The following MYH11 variants were observed in gnomAD, a reference collection of about 807,000 sequenced individuals.
MYH11 encodes the protein myosin-11.
MYH11 carries 80 observed loss-of-function variants against 246.6 expected under a neutral mutation model. The ratio of observed to expected loss-of-function variants is 0.32; its 90% CI spans 0.27 to 0.39. MYH11 has a LOEUF of 0.39. Among genes scored for constraint, MYH11 ranks in the 10% least tolerant of loss-of-function variants. The pLI, the probability that MYH11 is intolerant of heterozygous loss-of-function variation, is 1.00. For missense variants in MYH11, 2,158 were observed against 2,546.8 expected, an observed-to-expected ratio of 0.85 and a Z score of 3.29; for synonymous variants, 1,071 against 1,015.5, an observed-to-expected ratio of 1.05 and a Z score of -1.04.
intron 8 of MYH11, among the ~76,000 whole-genome samples, chr16:15,775,056 A>G (rs2042188466): frequency 6.6e-6 from 1 of 152,222 alleles, no homozygotes; most frequent in Admixed American, 6.5e-5. Flanking sequence ...TATTGTTCCC[A>G]TAGAATTTCA....
At chr16:15,710,030 C>T (rs2039689531) in intron 40 of MYH11, among the ~76,000 whole-genome samples, 1 of 152,216 alleles carries the variant, frequency 6.6e-6, no homozygotes, top group African/African-American at 2.4e-5. Flanking sequence ...CAACCTCCCT[C>T]AGGGCTCTAG....
At chr16:15,764,183 CTG>C (rs910341408) in intron 9 of MYH11, among the ~76,000 whole-genome samples, 1 of 152,180 alleles carries the variant, frequency 6.6e-6, no homozygotes, top group Non-Finnish European at 1.5e-5. Flanking sequence ...TACATATTGT[CTG>C]TAACTATTTG....
chr16:15,801,269 C>A (rs2042878199), intron 3 of MYH11, among the ~76,000 whole-genome samples: 1 of 152,048 alleles, frequency 6.6e-6, no homozygotes, highest in African/African-American at 2.4e-5. Flanking sequence ...CCAGGCAGAG[C>A]TTTGTGGATG....
At chr16:15,714,759 G>A (rs1026936781) in intron 40 of MYH11, 150 bp downstream of exon 40, 11 of 1,029,072 alleles carry the variant, frequency 1.1e-5, no homozygotes, top group Non-Finnish European at 1.2e-5. Context: ...CCCACACTAA[G>A]CTTAGTGATT....
intron 31 of MYH11, 151 bp from the exon 32 acceptor site, chr16:15,721,785 C>T (rs1476054011): frequency 2.6e-6 from 2 of 755,854 alleles, no homozygotes; most frequent in Non-Finnish European, 4.4e-6. Flanking sequence ...TTTATATAAT[C>T]ATCTGGCGTT....
intron 13 of MYH11, among the ~76,000 whole-genome samples, chr16:15,756,793 C>CTTTTTTTTT (rs60486632): frequency 1.2e-5 from 1 of 84,564 alleles, no homozygotes; most frequent in African/African-American, 4.4e-5. Context: ...GTTCATAACT[C>CTTTTTTTTT]TTTTTTTTTT....
At chr16:15,855,915 C>G (rs2044454812) in intron 1 of MYH11, among the ~76,000 whole-genome samples, 1 of 152,236 alleles carries the variant, frequency 6.6e-6, no homozygotes, top group Non-Finnish European at 1.5e-5. Flanking sequence ...ACTAAACACT[C>G]CCACCTTGGG....
chr16:15,823,373 A>G lies in MYH11; in HGVS notation c.384T>C (p.Tyr128=). The change falls in exon 3 of 41, where the codon TAT becomes TAC. Residue 128 remains tyrosine, a synonymous_variant. Transcript: ENST00000300036. ...SGLFCVVVNP[Y]KHLPIYSEKI... ...TCTCCGAGTAGATGGGCAGGTGTTTATAGGGGTTGACCACCACGCAGAAGA... is the reference window on the plus strand; with the variant it reads ...TCTCCGAGTAGATGGGCAGGTGTTTGTAGGGGTTGACCACCACGCAGAAGA... The G allele has an allele frequency of 6.2e-7, 1 of 1,614,128 alleles. No homozygotes were observed. The highest frequency in any genetic ancestry group is 2.2e-5 in the East Asian group (1 of 44,876).
intron 1 of MYH11, among the ~76,000 whole-genome samples, chr16:15,852,044 G>A (rs149712265): frequency 7.2e-5 from 11 of 152,280 alleles, no homozygotes; most frequent in African/African-American, 2.4e-4. Flanking sequence ...AGGAGGGGAC[G>A]GTGGGTGAGT....
rs1444790096 is a variant in MYH11 at position 15,703,551 on chromosome 16, C to G, written c.*440G>C. 1 of 331,428 alleles carries G rather than the reference C, an allele frequency of 3.0e-6. No individual in the cohort carries two copies. Among genetic ancestry groups the G allele is most frequent in the Non-Finnish European group, 5.7e-6 (1 of 176,082 alleles). The allele number at this position is 331,428 out of a possible 1,614,324, so 20.5% of individuals were successfully genotyped here. On this transcript the variant is annotated 3_prime_UTR_variant, in exon 41 of 41. Coordinates refer to ENST00000300036, the MANE Select transcript of MYH11 (RefSeq NM_002474.3). ...GGTTTTTCTCATCTCTTACATCATACAAACTTCAATTTTTACCTTGAATAC... is the reference window on the plus strand; with the variant it reads ...GGTTTTTCTCATCTCTTACATCATAGAAACTTCAATTTTTACCTTGAATAC...
intron 3 of MYH11, among the ~76,000 whole-genome samples, chr16:15,819,081 G>T (rs531569970): frequency 6.1e-4 from 92 of 151,722 alleles, no homozygotes; most frequent in Non-Finnish European, 1.1e-3. Context: ...CACTATGTTG[G>T]CCAGGCTGGT....
chr16:15,762,047 G>A (rs537699842), intron 10 of MYH11, among the ~76,000 whole-genome samples: 9 of 152,292 alleles, frequency 5.9e-5, no homozygotes, highest in Admixed American at 3.9e-4. Context: ...CAATCTCGGC[G>A]CACTGCAATC....
chr16:15,738,677 G>C lies in MYH11; in HGVS notation c.3009C>G (p.Leu1003=). ...QNNKLSKERK[L]LEERISDLTT... The stretch of plus-strand genomic sequence containing the variant: ...TTAAGTCACTAATCCTCTCCTCAAG[G>C]AGTTTTCGTTCCTTTTTGGGGAAAG... The change falls in exon 24 of 41, where the codon CTC becomes CTG. Residue 1003 remains leucine, a synonymous_variant. Transcript: ENST00000300036. The C allele has an allele frequency of 1.2e-6, 2 of 1,613,788 alleles. No individual in the cohort carries two copies. Among genetic ancestry groups the C allele is most frequent in the Non-Finnish European group, 1.7e-6 (2 of 1,179,870 alleles).
In MYH11 at chr16:15,737,620, A is replaced by G. The variant is rs2041159388; in HGVS notation, c.3122T>C (p.Val1041Ala). ...KHESMISELE[V>A]RLKKEEKSRQ... ...GCTCTTCTCTTCCTTCTTTAGCCGC[A>G]CTGCAAAAACCAAGGTGCTCTTCAG... Residue 1041 changes from valine (V) to alanine (A), a missense_variant and splice_region_variant, in exon 25 of 41, where the codon GTG (valine) becomes GCG (alanine). Physicochemically the swap from Val to Ala is moderately conservative, Grantham distance 64. Around this residue, in one of 11 missense-constraint regions of MYH11, gnomAD observed 284 missense variants for 315.4 expected, o/e 0.90. Transcript: ENST00000300036. 1.2e-6 allele frequency: 2 copies of G among 1,611,738 alleles called. No homozygotes were observed. Among genetic ancestry groups the G allele is most frequent in the Non-Finnish European group, 1.7e-6 (2 of 1,179,946 alleles).
intron 38 of MYH11, among the ~76,000 whole-genome samples, chr16:15,715,600 G>T (rs902196952): frequency 8.5e-5 from 13 of 152,166 alleles, no homozygotes; most frequent in African/African-American, 3.1e-4. Context: ...GGACTGAAGG[G>T]AGTGGTTACA....
intron 40 of MYH11, 82 bp downstream of exon 40, chr16:15,714,808 CTGTGGGCACAAGGGGCATT>C: frequency 2.1e-6 from 3 of 1,410,034 alleles, no homozygotes; most frequent in Non-Finnish European, 3.0e-6. Flanking sequence ...GGAGTGGCGG[CTGTGGGCACAAGGGGCATT>C]TGCAGGCCGA....
rs567632789 is a variant in MYH11, at chr16:15,787,997, A to G, written c.531-1265T>C. Among the ~76,000 whole-genome samples, 5 of 151,558 alleles carry G rather than the reference A, an allele frequency of 3.3e-5. No homozygotes were observed. The East Asian group carries it at 9.7e-4, about 29-fold the overall frequency. On this transcript the variant is annotated intron_variant, in intron 4 of 40. Transcript: ENST00000300036. ...GTTGAAGTAATTCACACTAAAGTGTAAATGACTGATATGTTTAGATCAGCA... is the reference window on the plus strand; with the variant it reads ...GTTGAAGTAATTCACACTAAAGTGTGAATGACTGATATGTTTAGATCAGCA...
intron 1 of MYH11, among the ~76,000 whole-genome samples, chr16:15,851,470 C>G (rs371307808): frequency 6.6e-6 from 1 of 152,116 alleles, no homozygotes; most frequent in Non-Finnish European, 1.5e-5. Context: ...GCAAGACCCC[C>G]ACTTGTAAAA....
chr16:15,745,608 A>T (rs1391599864), intron 19 of MYH11, among the ~76,000 whole-genome samples: 8 of 100,936 alleles, frequency 7.9e-5, no homozygotes, highest in South Asian at 6.7e-4. Context: ...TTTTTTTGAG[A>T]TAGAGTTTCG....
Sources: allele counts gnomAD v4.1 joint callset (sites outside exome capture counted in the v4.1 genomes callset), GRCh38; gene constraint gnomAD v4.1.1; regional missense constraint gnomAD v4.1.1; transcripts MANE v1.5; gene names NCBI Gene and HGNC (gene_info 2026-07-23, HGNC 2026-07-21).